Variants in ADARB2 observed in about 807,000 individuals in gnomAD.
ADARB2 encodes the protein inactive double-stranded RNA-specific editase B2.
ADARB2 carries 25 observed loss-of-function variants against 62.2 expected under a neutral mutation model. The ratio of observed to expected loss-of-function variants is 0.40; its 90% CI spans 0.29 to 0.56. ADARB2 has a LOEUF of 0.56. ADARB2 is among the 20% of genes least tolerant of loss of function. The pLI, the probability that ADARB2 is intolerant of heterozygous loss-of-function variation, is 0.43. For synonymous variants in ADARB2, 572 were observed against 500.8 expected (o/e 1.14, Z -1.90); for missense variants, 1,071 against 1,077.4 (o/e 0.99, Z 0.08).
chr10:1,635,778 C>A lies in ADARB2; in HGVS notation c.100+101273G>T, dbSNP rs560822306. 2.6e-5 allele frequency among the ~76,000 whole-genome samples: 4 copies of A among 152,316 alleles called. No individual in the cohort carries two copies. The East Asian group carries it at 7.7e-4, about 29-fold the overall frequency. On this transcript the variant is annotated intron_variant, in intron 1 of 9. Transcript: ENST00000381312. ...GATTCTGGTCCCTTTTATCTTCACT[C>A]ATTTCGTTCCTTGCAATAGGCTTTG...
chr10:1,624,620 A>G (rs1458233500), intron 1 of ADARB2, among the ~76,000 whole-genome samples: 3 of 152,196 alleles, frequency 2.0e-5, no homozygotes, highest in Non-Finnish European at 4.4e-5. Flanking sequence ...ACATTGATGG[A>G]TATGTTTTTA....
intron 1 of ADARB2, among the ~76,000 whole-genome samples, chr10:1,447,279 A>C (rs1310267823): frequency 2.0e-5 from 3 of 152,238 alleles, no homozygotes; most frequent in Non-Finnish European, 4.4e-5. Flanking sequence ...ATTATCCTGG[A>C]AAAATTATTT....
At chr10:1,316,352 C>T (rs1304826280) in intron 3 of ADARB2, among the ~76,000 whole-genome samples, 1 of 152,262 alleles carries the variant, frequency 6.6e-6, no homozygotes, top group African/African-American at 2.4e-5. Context: ...TCGCCTCACC[C>T]AGCTTCCTCA....
chr10:1,580,040 G>C (rs1291717246), intron 1 of ADARB2, among the ~76,000 whole-genome samples: 1 of 152,234 alleles, frequency 6.6e-6, no homozygotes, highest in Non-Finnish European at 1.5e-5. Context: ...GGACGAGGCA[G>C]ACGAGCGAGT....
intron 1 of ADARB2, among the ~76,000 whole-genome samples, chr10:1,428,972 A>C (rs568399311): frequency 1.3e-5 from 2 of 151,570 alleles, no homozygotes; most frequent in Admixed American, 1.3e-4. Flanking sequence ...TTCTGGTCTG[A>C]ATCAGGTGGG....
intron 7 of ADARB2, among the ~76,000 whole-genome samples, chr10:1,209,719 CCACACCCA>C (rs567696360): frequency 7.0e-4 from 107 of 152,108 alleles, no homozygotes; most frequent in Admixed American, 1.8e-3. Context: ...ACAGCTTGGC[CCACACCCA>C]CACACCCACA....
chr10:1,399,229 A>G (rs1188050244), intron 1 of ADARB2, among the ~76,000 whole-genome samples: 3 of 151,990 alleles, frequency 2.0e-5, no homozygotes, highest in African/African-American at 7.3e-5. Flanking sequence ...AGGCTGAAGG[A>G]GGGTATTTAT....
chr10:1,434,597 T>C (rs1830814987), intron 1 of ADARB2, among the ~76,000 whole-genome samples: 1 of 152,022 alleles, frequency 6.6e-6, no homozygotes, highest in Non-Finnish European at 1.5e-5. Context: ...ACAGGACCCA[T>C]TTAGAATTAA....
chr10:1,200,284 G>T, intron 7 of ADARB2, 137 bp from the exon 8 acceptor site: 2 of 1,148,502 alleles, frequency 1.7e-6, no homozygotes, highest in South Asian at 1.3e-5. Flanking sequence ...CCCTGGGAGT[G>T]CCCCAGACCC....
intron 1 of ADARB2, among the ~76,000 whole-genome samples, chr10:1,449,003 A>G (rs1346546000): frequency 6.6e-6 from 1 of 152,022 alleles, no homozygotes; most frequent in Admixed American, 6.6e-5. Flanking sequence ...CACTCTGGAG[A>G]AGCGAGTTCG....
At chr10:1,247,144 G>A (rs1317527676) in intron 4 of ADARB2, among the ~76,000 whole-genome samples, 4 of 152,162 alleles carry the variant, frequency 2.6e-5, no homozygotes, top group South Asian at 2.1e-4. Context: ...TGTTATTGGT[G>A]TATAAGAATG....
chr10:1,573,439 T>C (rs950157524), intron 1 of ADARB2, among the ~76,000 whole-genome samples: 1 of 152,138 alleles, frequency 6.6e-6, no homozygotes, highest in Non-Finnish European at 1.5e-5. Flanking sequence ...CGGAAACTGG[T>C]GAGGCCGAAG....
At position 1,533,267 on chromosome 10, in the gene ADARB2, C is replaced by T. The variant is rs146689618; in HGVS notation, c.101-154107G>A. 1.9e-4 allele frequency among the ~76,000 whole-genome samples: 29 copies of T among 150,360 alleles called. No homozygotes were observed. The East Asian group carries it at 3.0e-3, about 15-fold the overall frequency. On this transcript the variant is annotated intron_variant, in intron 1 of 9. Transcript: ENST00000381312. ...CCGAGTAGCTGGGACTACAGGCGTGCGCCACCATGCCTGGCTCATTCTTTT... is the reference window on the plus strand; with the variant it reads ...CCGAGTAGCTGGGACTACAGGCGTGTGCCACCATGCCTGGCTCATTCTTTT...
chr10:1,527,564 T>G (rs1173646631), intron 1 of ADARB2, among the ~76,000 whole-genome samples: 1 of 152,236 alleles, frequency 6.6e-6, no homozygotes. Context: ...TAAGAAGACT[T>G]GCTATACATA....
chr10:1,625,463 T>C (rs545263027), intron 1 of ADARB2, among the ~76,000 whole-genome samples: 5 of 152,034 alleles, frequency 3.3e-5, no homozygotes, highest in African/African-American at 1.2e-4. Flanking sequence ...ATGGAAACAA[T>C]GCTGGGATCC....
chr10:1,214,176 C>G (rs1009341761), intron 7 of ADARB2, among the ~76,000 whole-genome samples: 1 of 84,792 alleles, frequency 1.2e-5, no homozygotes, highest in Non-Finnish European at 2.4e-5. Flanking sequence ...CACCTGTGCC[C>G]GGACCTGCTG....
intron 1 of ADARB2, among the ~76,000 whole-genome samples, chr10:1,492,009 A>G (rs990168604): frequency 3.9e-5 from 6 of 152,226 alleles, no homozygotes; most frequent in Admixed American, 2.0e-4. Flanking sequence ...AGTTGTTGAT[A>G]AGATCATTTT....
chr10:1,455,650 T>C (rs1160488837), intron 1 of ADARB2, among the ~76,000 whole-genome samples: 2 of 152,228 alleles, frequency 1.3e-5, no homozygotes, highest in Non-Finnish European at 1.5e-5. Context: ...TTGTTACTTT[T>C]TTAAAAATTA....
chr10:1,322,893 G>A (rs557292065), intron 3 of ADARB2, among the ~76,000 whole-genome samples: 1 of 152,174 alleles, frequency 6.6e-6, no homozygotes, highest in African/African-American at 2.4e-5. Flanking sequence ...ACATAAATAA[G>A]ATGGCATCAG....
Sources: allele counts gnomAD v4.1 joint callset (sites outside exome capture counted in the v4.1 genomes callset), GRCh38; gene constraint gnomAD v4.1.1; transcripts MANE v1.5; gene names NCBI Gene and HGNC (gene_info 2026-07-23, HGNC 2026-07-21).